The following PTPRT variants were observed in gnomAD, a reference collection of about 807,000 sequenced individuals.
The protein encoded by PTPRT is protein tyrosine phosphatase receptor type T, also known as receptor-type tyrosine-protein phosphatase T.
A neutral mutation model predicts 176.8 loss-of-function variants in PTPRT; 56 were observed. That is an observed-to-expected ratio of 0.32 (90% CI 0.26 to 0.40). PTPRT has a LOEUF of 0.40. Among genes scored for constraint, PTPRT ranks in the 10% least tolerant of loss-of-function variants. The pLI, the probability that PTPRT is intolerant of heterozygous loss-of-function variation, is 1.00. For synonymous variants in PTPRT, 783 were observed against 739.0 expected, an observed-to-expected ratio of 1.06 and a Z score of -0.96; for missense variants, 1,540 against 1,908.2, an observed-to-expected ratio of 0.81 and a Z score of 3.60.
At position 42,595,448 on chromosome 20, in the gene PTPRT, G is replaced by T. The variant is rs1310892417; in HGVS notation, c.1153+82418C>A. Among the ~76,000 whole-genome samples the T allele has an allele frequency of 2.0e-5, 3 of 152,176 alleles. No individual in the cohort carries two copies. The East Asian group carries it at 5.8e-4, about 29-fold the overall frequency. On this transcript the variant is annotated intron_variant, in intron 7 of 30. Transcript: ENST00000373187. ...GTCCAGATACGGTCAAATGTCCTCT[G>T]GTGAGAGGGTAGCAAAATGGCCCCT... is the stretch of plus-strand genomic sequence containing the variant.
chr20:42,490,092 A>G (rs767780659), intron 7 of PTPRT, among the ~76,000 whole-genome samples: 1 of 152,162 alleles, frequency 6.6e-6, no homozygotes, highest in South Asian at 2.1e-4. Context: ...ATTCTGTTCT[A>G]TTGATCCACT....
chr20:42,856,882 G>GA (rs1025900065), intron 2 of PTPRT, among the ~76,000 whole-genome samples: 1 of 152,034 alleles, frequency 6.6e-6, no homozygotes, highest in Non-Finnish European at 1.5e-5. Context: ...AAAAGGAGGA[G>GA]AAAAAAGGGA....
chr20:42,839,137 C>T lies in PTPRT; in HGVS notation c.214+46670G>A, dbSNP rs1428154939. ...GAAGGGCACAGGTGCTGGAGGTAGG[C>T]TCTTCTTGCATACCTCGTAGGGACT... On this transcript the variant is annotated intron_variant, in intron 2 of 30. Coordinates refer to ENST00000373187, the MANE Select transcript of PTPRT (RefSeq NM_007050.6). Among the ~76,000 whole-genome samples, 5 of 152,220 alleles carry T rather than the reference C, an allele frequency of 3.3e-5. No homozygotes were observed. The East Asian group carries it at 9.7e-4, about 30-fold the overall frequency.
chr20:42,826,317 T>A (rs2077992343), intron 2 of PTPRT, among the ~76,000 whole-genome samples: 1 of 152,224 alleles, frequency 6.6e-6, no homozygotes, highest in African/African-American at 2.4e-5. Flanking sequence ...GCCTTAGCCG[T>A]GAACATTCCA....
intron 3 of PTPRT, among the ~76,000 whole-genome samples, chr20:42,781,211 A>G (rs982863305): frequency 6.6e-6 from 1 of 152,056 alleles, no homozygotes; most frequent in Non-Finnish European, 1.5e-5. Context: ...TGAGCTCCTC[A>G]GACTCCATAC....
At chr20:42,655,590 C>T (rs2075111493) in intron 7 of PTPRT, among the ~76,000 whole-genome samples, 1 of 152,104 alleles carries the variant, frequency 6.6e-6, no homozygotes, top group Non-Finnish European at 1.5e-5. Flanking sequence ...GCAAAGACTC[C>T]TCAGGCCACA....
At chr20:42,250,943 G>A (rs6030088) in intron 13 of PTPRT, among the ~76,000 whole-genome samples, 71,748 of 152,086 alleles carry the variant, frequency 0.47, 18,953 homozygotes, top group Non-Finnish European at 0.58. Context: ...GAGAATTCCT[G>A]AAAGAGTTGG....
intron 17 of PTPRT, among the ~76,000 whole-genome samples, chr20:42,150,811 A>C (rs891208459): frequency 1.3e-5 from 2 of 148,566 alleles, no homozygotes; most frequent in African/African-American, 4.9e-5. Context: ...GGTTGATGAA[A>C]TTCTCATGTG....
chr20:42,721,614 T>C (rs936370759), intron 6 of PTPRT, among the ~76,000 whole-genome samples: 3 of 152,204 alleles, frequency 2.0e-5, no homozygotes, highest in Non-Finnish European at 4.4e-5. Flanking sequence ...TCAGTGCAGT[T>C]TGGGGTGTGA....
At chr20:42,740,056 C>T (rs533448017) in intron 6 of PTPRT, among the ~76,000 whole-genome samples, 104 of 152,138 alleles carry the variant, frequency 6.8e-4, no homozygotes, top group Middle Eastern at 3.2e-3. Flanking sequence ...TAGAATCGGA[C>T]GCTCAACCCT....
At chr20:42,992,074 T>C (rs1983940435) in intron 1 of PTPRT, among the ~76,000 whole-genome samples, 1 of 152,182 alleles carries the variant, frequency 6.6e-6, no homozygotes, top group African/African-American at 2.4e-5. Flanking sequence ...TATTGAAATA[T>C]TTAACATTAC....
At chr20:42,798,719 A>G (rs1406412847) in intron 2 of PTPRT, among the ~76,000 whole-genome samples, 1 of 152,206 alleles carries the variant, frequency 6.6e-6, no homozygotes, top group Non-Finnish European at 1.5e-5. Context: ...AACAAGTAAT[A>G]AGCATTTCTG....
intron 2 of PTPRT, among the ~76,000 whole-genome samples, chr20:42,826,338 A>G (rs934557377): frequency 2.0e-5 from 3 of 152,240 alleles, no homozygotes; most frequent in East Asian, 1.9e-4. Context: ...ATGTTCATCC[A>G]TAAAAATCCA....
intron 9 of PTPRT, among the ~76,000 whole-genome samples, chr20:42,401,427 T>C (rs1045509354): frequency 6.6e-6 from 1 of 152,124 alleles, no homozygotes; most frequent in Non-Finnish European, 1.5e-5. Context: ...TCATATTCCA[T>C]AGCCTTCAAA....
At chr20:42,597,426 G>A (rs1432196707) in intron 7 of PTPRT, among the ~76,000 whole-genome samples, 1 of 152,128 alleles carries the variant, frequency 6.6e-6, no homozygotes, top group Non-Finnish European at 1.5e-5. Context: ...CAAATCTCAT[G>A]TTTACTTGTA....
At chr20:42,930,785 T>G (rs1457590557) in intron 1 of PTPRT, among the ~76,000 whole-genome samples, 1 of 152,136 alleles carries the variant, frequency 6.6e-6, no homozygotes, top group Non-Finnish European at 1.5e-5. Flanking sequence ...CAGACCCTCA[T>G]ACATAATTCT....
intron 16 of PTPRT, among the ~76,000 whole-genome samples, chr20:42,174,666 G>T (rs1990215649): frequency 6.6e-6 from 1 of 152,110 alleles, no homozygotes. Context: ...GAGGAAAACG[G>T]CAAGTCCAAT....
At chr20:42,506,607 A>G (rs2071849548) in intron 7 of PTPRT, among the ~76,000 whole-genome samples, 1 of 152,170 alleles carries the variant, frequency 6.6e-6, no homozygotes, top group Non-Finnish European at 1.5e-5. Flanking sequence ...TAATTTGTGT[A>G]ATCCCTGAAT....
chr20:43,152,573 A>G (rs1225645129), intron 1 of PTPRT, among the ~76,000 whole-genome samples: 1 of 152,194 alleles, frequency 6.6e-6, no homozygotes, highest in African/African-American at 2.4e-5. Context: ...TCCTCAGCAC[A>G]TAGTAGCTAC....
Sources: allele counts gnomAD v4.1 joint callset (sites outside exome capture counted in the v4.1 genomes callset), GRCh38; gene constraint gnomAD v4.1.1; transcripts MANE v1.5; gene names NCBI Gene and HGNC (gene_info 2026-07-23, HGNC 2026-07-21).